The following CD36 variants were observed in gnomAD, a reference collection of about 807,000 sequenced individuals.
The protein encoded by CD36 is CD36 molecule (CD36 blood group).
A neutral mutation model predicts 55.2 loss-of-function variants in CD36; 119 were observed. The observed-to-expected ratio is 2.15, with a 90% confidence interval of 1.86 to 2.51. CD36 has a LOEUF of 2.51. CD36 is among the 30% of genes most tolerant of loss of function. The pLI is 0.00. For synonymous variants in CD36, 186 were observed against 193.6 expected (o/e 0.96, Z 0.33); for missense variants, 819 against 555.5 (o/e 1.47, Z -4.77).
At chr7:80,605,912 G>A (rs1412720650) in intron 1 of CD36, among the ~76,000 whole-genome samples, 2 of 152,098 alleles carry the variant, frequency 1.3e-5, no homozygotes, top group Non-Finnish European at 2.9e-5. Context: ...ACAGGGATAA[G>A]AGCATTCCTT....
At chr7:80,619,536 A>G (rs1163647109) in intron 1 of CD36, among the ~76,000 whole-genome samples, 1 of 151,640 alleles carries the variant, frequency 6.6e-6, no homozygotes, top group Non-Finnish European at 1.5e-5. Context: ...AGTCCCAGCT[A>G]CTCGAGAGGC....
At chr7:80,631,340 A>T (rs1045590389) in intron 1 of CD36, among the ~76,000 whole-genome samples, 1 of 152,046 alleles carries the variant, frequency 6.6e-6, no homozygotes, top group Non-Finnish European at 1.5e-5. Flanking sequence ...GGAGAGTTAG[A>T]AGGATGAAAG....
intron 1 of CD36, among the ~76,000 whole-genome samples, chr7:80,614,182 G>A (rs1179055064): frequency 1.3e-5 from 2 of 152,230 alleles, no homozygotes; most frequent in Admixed American, 6.5e-5. Flanking sequence ...AGAATAAAAT[G>A]GGCATCATTC....
chr7:80,608,184 A>G (rs568158016), intron 1 of CD36, among the ~76,000 whole-genome samples: 2 of 152,232 alleles, frequency 1.3e-5, no homozygotes, highest in African/African-American at 2.4e-5. Context: ...ATATATGCAT[A>G]TAACATATCC....
At position 80,623,248 on chromosome 7, in the gene CD36, A is replaced by G. The variant is rs1037377683; in HGVS notation, c.-184+20869A>G. Among the ~76,000 whole-genome samples the G allele has an allele frequency of 2.6e-5, 4 of 152,190 alleles. No homozygotes were observed. The East Asian group carries it at 7.7e-4, about 29-fold the overall frequency. On this transcript the variant is annotated intron_variant, in intron 1 of 13. Coordinates refer to the CD36 transcript ENST00000309881. ...GGGTGACTGTCCACTTCATGAAAGT[A>G]GACTAAAAATACCAAACTCTCATAT...
chr7:80,616,500 T>C (rs748148725), intron 1 of CD36, among the ~76,000 whole-genome samples: 8 of 151,618 alleles, frequency 5.3e-5, no homozygotes, highest in Non-Finnish European at 4.4e-5. Context: ...AATTGTGTTA[T>C]CAAGATGGTA....
chr7:80,608,862 T>G (rs1467259520), intron 1 of CD36, among the ~76,000 whole-genome samples: 1 of 152,214 alleles, frequency 6.6e-6, no homozygotes, highest in Non-Finnish European at 1.5e-5. Context: ...TGCTAACTTC[T>G]AAATATCTTC....
chr7:80,667,742 C>CTTTTTTTTT (rs1554344704), intron 8 of CD36, among the ~76,000 whole-genome samples: 1 of 92,940 alleles, frequency 1.1e-5, no homozygotes, highest in Non-Finnish European at 2.3e-5. Context: ...CAGGGGTTTT[C>CTTTTTTTTT]TTTTGTTTTT....
At position 80,673,881 on chromosome 7, in the gene CD36, A is replaced by G; in HGVS notation, c.1255-102A>G. 2.3e-6 allele frequency: 2 copies of G among 854,588 alleles called. 1 individual carries two copies. The allele number at this position is 854,588 out of a possible 1,614,324, so 52.9% of individuals were successfully genotyped here. On this transcript the variant is annotated intron_variant, in intron 13 of 14. Coordinates refer to ENST00000447544, the MANE Select transcript of CD36 (RefSeq NM_001001548.3). ...ACTTGCCTTATAGATACTGATGACT[A>G]ACACCAATAGAGGTGTTAGAAAAAA...
intron 1 of CD36, among the ~76,000 whole-genome samples, chr7:80,620,345 G>A (rs1241847822): frequency 6.6e-6 from 1 of 152,268 alleles, no homozygotes; most frequent in East Asian, 1.9e-4. Context: ...CTACCGACAA[G>A]CTTCAAGTTG....
upstream of CD36, among the ~76,000 whole-genome samples, chr7:80,636,409 G>C (rs756699769): frequency 6.6e-6 from 1 of 151,476 alleles, no homozygotes; most frequent in Non-Finnish European, 1.5e-5. Flanking sequence ...TTCATACCTT[G>C]ATAAATCTGG....
Position 80,670,981 on chromosome 7 carries a change from A to G in CD36, c.823A>G (p.Ile275Val). The part of the protein sequence containing the change: ...QFFSSDICRS[I>V]YAVFESDVNL... ...CTCTTTTTTCTCTGTATTTAGGTCA[A>G]TCTATGCTGTATTTGAATCCGACGT... The change falls in exon 10 of 15, where the codon ATC (isoleucine) becomes GTC (valine). Residue 275 changes from isoleucine (I) to valine (V), a missense_variant. Ile to Val is a conservative substitution (Grantham distance 29). Transcript: ENST00000447544. 2 of 1,611,002 alleles carry G rather than the reference A, an allele frequency of 1.2e-6. No individual in the cohort carries two copies. The highest frequency in any genetic ancestry group is 1.7e-5 in the Admixed American group (1 of 59,992).
At chr7:80,628,237 TA>T (rs565281611) in intron 1 of CD36, among the ~76,000 whole-genome samples, 20 of 152,172 alleles carry the variant, frequency 1.3e-4, no homozygotes, top group African/African-American at 4.8e-4. Flanking sequence ...ACCTATTAGG[TA>T]TCAGGCACTA....
Position 80,663,156 on chromosome 7 carries a change from G to A in CD36, c.596G>A (p.Gly199Asp), listed in dbSNP as rs750848298. 11 of 1,613,184 alleles carry A rather than the reference G, an allele frequency of 6.8e-6. No individual in the cohort carries two copies. Among genetic ancestry groups the A allele is most frequent in the African/African-American group, 5.3e-5 (4 of 74,850 alleles). ...LVPYPVTTTV[G>D]LFYPYNNTAD... is the part of the protein sequence containing the mutation. ...CCGTACCCTGTTACTACCACAGTTG[G>A]TCTGTTTTATCCTGTAAGTACCAAA... The change falls in exon 6 of 15, where the codon GGT becomes GAT. Residue 199 changes from glycine (G) to aspartate (D), a missense_variant. Transcript: ENST00000447544.
At chr7:80,602,737 CTTAT>C (rs1792308733) in intron 1 of CD36, among the ~76,000 whole-genome samples, 1 of 152,028 alleles carries the variant, frequency 6.6e-6, no homozygotes, top group East Asian at 1.9e-4. Context: ...CTTCAGATTT[CTTAT>C]TTATGTTTTC....
At chr7:80,676,189 T>G (rs917351899) in intron 14 of CD36, 195 bp from the exon 15 acceptor site, 3 of 152,186 alleles carry the variant, frequency 2.0e-5, no homozygotes, top group Admixed American at 2.0e-4. Context: ...AAATTGGATA[T>G]GCTTTACTTT....
chr7:80,625,591 G>T (rs1027277853), intron 1 of CD36, among the ~76,000 whole-genome samples: 1 of 152,222 alleles, frequency 6.6e-6, no homozygotes, highest in African/African-American at 2.4e-5. Flanking sequence ...CTAGTATTGT[G>T]ACTCAAGTAT....
chr7:80,678,670 T>A lies in CD36; in HGVS notation c.*2287T>A, dbSNP rs1798236759. 6.6e-6 allele frequency: 1 copy of A among 152,102 alleles called. No homozygotes were observed. 9.4% of individuals were successfully genotyped at this position (152,102 alleles called of 1,614,324 possible). ...GAGATCAAGACCATCCTGGCCAACA[T>A]GGTGAAACCTCATCTCTACTAAAAA... On this transcript the variant is annotated 3_prime_UTR_variant, in exon 15 of 15. Coordinates refer to ENST00000447544, the MANE Select transcript of CD36 (RefSeq NM_001001548.3).
intron 8 of CD36, among the ~76,000 whole-genome samples, chr7:80,667,837 C>T (rs574438076): frequency 4.9e-4 from 71 of 145,286 alleles, no homozygotes; most frequent in African/African-American, 1.8e-3. Flanking sequence ...GCAACCTCTG[C>T]CTCCTGGGGT....
Sources: allele counts gnomAD v4.1 joint callset (sites outside exome capture counted in the v4.1 genomes callset), GRCh38; gene constraint gnomAD v4.1.1; transcripts MANE v1.5; gene names NCBI Gene and HGNC (gene_info 2026-07-23, HGNC 2026-07-21).